Variants in DNM2 observed in about 807,000 individuals in gnomAD.
The protein encoded by DNM2 is dynamin 2.
DNM2 carries 15 observed loss-of-function variants against 99.0 expected under a neutral mutation model. That is an observed-to-expected ratio of 0.15 (90% CI 0.10 to 0.23). The LOEUF (loss-of-function observed/expected upper bound fraction) is 0.23, where lower values mean the gene tolerates loss of function less well. Ranked by LOEUF, DNM2 falls within the 10% of genes least tolerant of loss-of-function variation. The probability of loss-of-function intolerance (pLI) is 1.00; values close to 1 mark genes in which losing one functional copy is unlikely to be tolerated. For missense variants in DNM2, 742 were observed against 1,189.4 expected (o/e 0.62, Z 5.53); for synonymous variants, 525 against 481.2 (o/e 1.09, Z -1.19).
At chr19:10,731,953 ATT>A (rs1393753614) in intron 1 of DNM2, among the ~76,000 whole-genome samples, 16 of 132,468 alleles carry the variant, frequency 1.2e-4, no homozygotes, top group Admixed American at 3.0e-4. Flanking sequence ...CACAGGCTTG[ATT>A]TTTTTTTTTT....
At chr19:10,761,677 C>T (rs1186969385) in intron 2 of DNM2, among the ~76,000 whole-genome samples, 1 of 152,206 alleles carries the variant, frequency 6.6e-6, no homozygotes, top group Non-Finnish European at 1.5e-5. Context: ...CTTAGCCATG[C>T]TGCCTGCCTT....
intron 6 of DNM2, chr19:10,786,330 G>C (rs1329214641): frequency 1.6e-6 from 1 of 637,392 alleles, no homozygotes; most frequent in Non-Finnish European, 2.7e-6. Flanking sequence ...CCTGATGTCG[G>C]CCCCGTGGGC....
chr19:10,824,832 C>T (rs1393809329), intron 17 of DNM2: 2 of 616,716 alleles, frequency 3.2e-6, no homozygotes, highest in East Asian at 2.8e-5. Flanking sequence ...AAAAAAACAA[C>T]GTTCCAATGC....
At chr19:10,756,882 G>C (rs1353979651) in intron 1 of DNM2, among the ~76,000 whole-genome samples, 1 of 152,046 alleles carries the variant, frequency 6.6e-6, no homozygotes, top group Admixed American at 6.6e-5. Flanking sequence ...TTTCGCCCCT[G>C]ATGTCACTCA....
At chr19:10,731,103 A>C (rs1222084767) in intron 1 of DNM2, among the ~76,000 whole-genome samples, 1 of 152,090 alleles carries the variant, frequency 6.6e-6, no homozygotes, top group Non-Finnish European at 1.5e-5. Context: ...GAGCAGCCCC[A>C]GCCAGGGTGA....
intron 7 of DNM2, among the ~76,000 whole-genome samples, chr19:10,792,147 T>C (rs141524532): frequency 1.5e-4 from 23 of 152,292 alleles, no homozygotes; most frequent in African/African-American, 5.1e-4. Flanking sequence ...AACCTAGGCC[T>C]TTGTGTGTCT....
chr19:10,719,832 C>T (rs1298705004), intron 1 of DNM2, among the ~76,000 whole-genome samples: 1 of 152,200 alleles, frequency 6.6e-6, no homozygotes, highest in Non-Finnish European at 1.5e-5. Flanking sequence ...AGCTGGGAGG[C>T]TCAGAAGGGA....
At chr19:10,787,599 A>G (rs1285565534) in intron 7 of DNM2, among the ~76,000 whole-genome samples, 1 of 140,354 alleles carries the variant, frequency 7.1e-6, no homozygotes, top group East Asian at 2.2e-4. Context: ...CTCAACGTAC[A>G]AAAAAATTAG....
chr19:10,718,966 G>A (rs2068846173), intron 1 of DNM2, among the ~76,000 whole-genome samples: 1 of 152,166 alleles, frequency 6.6e-6, no homozygotes, highest in Non-Finnish European at 1.5e-5. Context: ...GGTGACCTCT[G>A]CTGTCTGGCC....
chr19:10,762,877 T>C (rs1048067858), intron 2 of DNM2, among the ~76,000 whole-genome samples: 1 of 149,074 alleles, frequency 6.7e-6, no homozygotes, highest in Non-Finnish European at 1.5e-5. Flanking sequence ...GAGTAGGTGC[T>C]GGAAGGGGTG....
At chr19:10,733,033 G>T (rs532543621) in intron 1 of DNM2, among the ~76,000 whole-genome samples, 7 of 151,882 alleles carry the variant, frequency 4.6e-5, no homozygotes, top group African/African-American at 1.7e-4. Flanking sequence ...ACAGACACCT[G>T]TCACCATGCC....
intron 1 of DNM2, among the ~76,000 whole-genome samples, chr19:10,732,011 A>G (rs566145782): frequency 4.3e-4 from 64 of 149,972 alleles, no homozygotes; most frequent in Non-Finnish European, 8.7e-4. Context: ...CTGGAGTGCA[A>G]TGGTGCAATC....
At chr19:10,790,719 C>T (rs1205149605) in intron 7 of DNM2, among the ~76,000 whole-genome samples, 2 of 152,294 alleles carry the variant, frequency 1.3e-5, no homozygotes, top group African/African-American at 4.8e-5. Flanking sequence ...CTGCCCACCT[C>T]GGCCTCCCAA....
At chr19:10,791,807 T>C (rs1326405033) in intron 7 of DNM2, among the ~76,000 whole-genome samples, 2 of 152,186 alleles carry the variant, frequency 1.3e-5, no homozygotes, top group African/African-American at 2.4e-5. Context: ...CATTCCAGGC[T>C]GGGTGCAGTG....
intron 1 of DNM2, chr19:10,755,354 C>T (rs2070344972): frequency 6.6e-6 from 1 of 152,154 alleles, no homozygotes; most frequent in Non-Finnish European, 1.5e-5. Flanking sequence ...CAAAAATAGT[C>T]ATTGAAAGGA....
intron 1 of DNM2, among the ~76,000 whole-genome samples, chr19:10,728,333 G>A (rs1435208764): frequency 6.6e-6 from 1 of 152,190 alleles, no homozygotes; most frequent in African/African-American, 2.4e-5. Flanking sequence ...AGACTGGCCT[G>A]AAGTCACACA....
In DNM2 at chr19:10,783,111, G is replaced by A. The variant is rs768763022; in HGVS notation, c.840G>A (p.Thr280=). ...DRMGTPHLQK[T]LNQQLTNHIR... is the part of the protein sequence containing the mutation. Reference sequence around the variant, plus strand: ...TGGGCACGCCACATCTGCAGAAGACGCTGAATCAGGTACTGCAAGGGTTTG... The same window carrying A: ...TGGGCACGCCACATCTGCAGAAGACACTGAATCAGGTACTGCAAGGGTTTG... The change falls in exon 6 of 21, where the codon ACG becomes ACA. Residue 280 remains threonine (T), a synonymous_variant. Transcript: ENST00000389253. The A allele has an allele frequency of 8.1e-6, 13 of 1,611,414 alleles. No individual in the cohort carries two copies. The highest frequency in any genetic ancestry group is 2.7e-5 in the African/African-American group (2 of 74,950).
In DNM2 at chr19:10,759,752, G is replaced by A. The variant is rs1568283768; in HGVS notation, c.176G>A (p.Arg59His). The A allele has an allele frequency of 6.2e-7, 1 of 1,614,058 alleles. No individual in the cohort carries two copies. The highest frequency in any genetic ancestry group is 8.5e-7 in the Non-Finnish European group (1 of 1,180,008). ...CCCCCTCACAGGGACTTCCTTCCCC[G>A]CGGTTCAGGAATCGTCACCCGGCGG... ...ENFVGRDFLP[R>H]GSGIVTRRPL... Residue 59 changes from arginine (R) to histidine (H), a missense_variant, in exon 2 of 21, where the codon CGC becomes CAC. Coordinates refer to ENST00000389253, the MANE Select transcript of DNM2 (RefSeq NM_001005361.3).
At chr19:10,804,565 G>A (rs996325273) in intron 12 of DNM2, among the ~76,000 whole-genome samples, 1 of 152,046 alleles carries the variant, frequency 6.6e-6, no homozygotes, top group African/African-American at 2.4e-5. Flanking sequence ...GTGGTGGTGC[G>A]TAATCTCAGC....
Sources: gnomAD v4.1 joint callset for allele counts (sites outside exome capture counted in the v4.1 genomes callset) on GRCh38, gnomAD v4.1.1 for gene constraint, MANE v1.5 for transcripts, NCBI Gene and HGNC (gene_info 2026-07-23, HGNC 2026-07-21) for gene names.